RANBP3: variants seen among roughly 807,000 people sequenced by gnomAD.
The protein encoded by RANBP3 is RAN binding protein 3, also known as ran-binding protein 3.
In RANBP3, 14 loss-of-function variants were observed where a neutral mutation model predicts 77.3. The ratio of observed to expected loss-of-function variants is 0.18; its 90% CI spans 0.12 to 0.28. RANBP3 has a LOEUF of 0.28. RANBP3 is among the 10% of genes least tolerant of loss of function. The pLI is 1.00. For synonymous variants in RANBP3, 315 were observed against 312.4 expected, an observed-to-expected ratio of 1.01 and a Z score of -0.09; for missense variants, 586 against 752.3, an observed-to-expected ratio of 0.78 and a Z score of 2.59.
chr19:5,953,220 C>T (rs1568470265), intron 2 of RANBP3, among the ~76,000 whole-genome samples: 1 of 152,192 alleles, frequency 6.6e-6, no homozygotes, highest in Non-Finnish European at 1.5e-5. Flanking sequence ...GGAGAATTAA[C>T]AATGTCATTC....
At chr19:5,971,563 G>T (rs2058530778) in intron 1 of RANBP3, among the ~76,000 whole-genome samples, 1 of 152,172 alleles carries the variant, frequency 6.6e-6, no homozygotes, top group Non-Finnish European at 1.5e-5. Context: ...GTGAATAAGA[G>T]TGAAAAAAGA....
In RANBP3 at chr19:5,941,590, T is replaced by C. The variant is rs1344189416; in HGVS notation, c.406+31A>G. 3 of 1,573,124 alleles carry C rather than the reference T, an allele frequency of 1.9e-6. No homozygotes were observed. The African/African-American group carries it at 4.1e-5, about 21-fold the overall frequency. ...ATGGCGGGTTTGTAAGCATAAACGC[T>C]TTCACCATTCCGTAAGTTTGCATAT... is the stretch of plus-strand genomic sequence containing the variant. On this transcript the variant is annotated intron_variant, in intron 5 of 16. Coordinates refer to ENST00000340578, the MANE Select transcript of RANBP3 (RefSeq NM_007322.3).
intron 1 of RANBP3, among the ~76,000 whole-genome samples, chr19:5,965,020 G>A (rs915449796): frequency 3.9e-5 from 6 of 152,138 alleles, no homozygotes; most frequent in Non-Finnish European, 7.4e-5. Context: ...AAAGATCTCT[G>A]CGATGAAGGT....
At chr19:5,934,479 T>C (rs1021922033) in intron 5 of RANBP3, 1 of 152,198 alleles carries the variant, frequency 6.6e-6, no homozygotes, top group Non-Finnish European at 1.5e-5. Flanking sequence ...AATAATTCCA[T>C]TTACAATAAC....
At chr19:5,948,517 C>T (rs1172335412) in intron 3 of RANBP3, among the ~76,000 whole-genome samples, 6 of 151,750 alleles carry the variant, frequency 4.0e-5, no homozygotes, top group Non-Finnish European at 7.4e-5. Context: ...ACCAGGGCCT[C>T]AGTGAGTCTG....
intron 1 of RANBP3, among the ~76,000 whole-genome samples, chr19:5,977,322 C>A (rs1392873476): frequency 2.6e-5 from 4 of 152,020 alleles, no homozygotes; most frequent in Non-Finnish European, 5.9e-5. Flanking sequence ...GGAAGTGTAA[C>A]CTTGTCAAAA....
In RANBP3 at chr19:5,918,516, C is replaced by T. The variant is rs750943746; in HGVS notation, c.1453G>A (p.Val485Met). ...CTCACCGAGATCAGGAAGACCTTCA[C>T]GCCCTGGTCCTCGGTGTCCATGGCT... The part of the protein sequence containing the change: ...ITAMDTEDQG[V>M]KVFLISASSK... Residue 485 changes from valine to methionine, a missense_variant, in exon 15 of 17, where the codon GTG becomes ATG. Val to Met is a conservative substitution (Grantham distance 21). This residue lies in a region of RANBP3 where 128 missense variants were observed against 157.0 expected (regional missense o/e 0.82). Coordinates refer to ENST00000340578, the MANE Select transcript of RANBP3 (RefSeq NM_007322.3). The T allele has an allele frequency of 3.7e-6, 6 of 1,612,670 alleles. No homozygotes were observed. The highest frequency in any genetic ancestry group is 1.7e-4 in the Middle Eastern group (1 of 5,876).
intron 5 of RANBP3, 26 bp from the exon 6 acceptor site, chr19:5,933,505 C>A: frequency 6.2e-7 from 1 of 1,608,334 alleles, no homozygotes; most frequent in Non-Finnish European, 8.5e-7. Flanking sequence ...AAAATATCAA[C>A]AGCAGGCCTG....
chr19:5,923,257 C>G lies in RANBP3; in HGVS notation c.1146G>C (p.Arg382=), dbSNP rs1489435830. The change falls in exon 13 of 17, where the codon CGG becomes CGC. Residue 382 remains arginine, a synonymous_variant. Coordinates refer to ENST00000340578, the MANE Select transcript of RANBP3 (RefSeq NM_007322.3). The stretch of plus-strand genomic sequence containing the variant: ...CTTCCACTTTTTCCAACAAACACTT[C>G]CGCGCTGTTGCCTTGGTGTAGGCGG... ...SAAAYTKATA[R]KCLLEKVEVI... 4 of 1,614,258 alleles carry G rather than the reference C, an allele frequency of 2.5e-6. No individual in the cohort carries two copies. Among genetic ancestry groups the G allele is most frequent in the East Asian group, 4.5e-5 (2 of 44,886 alleles).
At chr19:5,974,271 A>G (rs2058563152) in intron 1 of RANBP3, 1 of 152,332 alleles carries the variant, frequency 6.6e-6, no homozygotes, top group South Asian at 2.1e-4. Context: ...TCCACCACGC[A>G]TGTCCACAGG....
At chr19:5,963,004 C>T (rs2058423040) in intron 1 of RANBP3, among the ~76,000 whole-genome samples, 1 of 152,212 alleles carries the variant, frequency 6.6e-6, no homozygotes, top group Admixed American at 6.5e-5. Context: ...CAACAACCTG[C>T]TTCAATTCCT....
intron 1 of RANBP3, among the ~76,000 whole-genome samples, chr19:5,961,519 G>T (rs1268821596): frequency 2.0e-5 from 3 of 152,136 alleles, no homozygotes; most frequent in Admixed American, 6.5e-5. Context: ...GATCACCTGA[G>T]GTCGGGAGTT....
At chr19:5,973,658 C>CT (rs774593631) in intron 1 of RANBP3, among the ~76,000 whole-genome samples, 2 of 152,210 alleles carry the variant, frequency 1.3e-5, no homozygotes, top group South Asian at 2.1e-4. Flanking sequence ...AGGGCCAACT[C>CT]TGAGTGGGGC....
At chr19:5,949,848 C>T (rs1188236012) in intron 3 of RANBP3, among the ~76,000 whole-genome samples, 3 of 152,186 alleles carry the variant, frequency 2.0e-5, no homozygotes, top group Admixed American at 1.3e-4. Context: ...GTACGCAGGG[C>T]ACAGAACAGC....
rs1442253218 is a variant in RANBP3, at chr19:5,931,423, T to C, written c.674A>G (p.Asp225Gly). 1 of 1,612,350 alleles carries C rather than the reference T, an allele frequency of 6.2e-7. No homozygotes were observed. The highest frequency in any genetic ancestry group is 1.3e-5 in the African/African-American group (1 of 74,932). ...AAWRSPSEAA[D>G]EVCALEEKEP... is the part of the protein sequence containing the mutation. ...ACTGACCTCAAGTGCACACACCTCA[T>C]CGGCAGCTTCGGAAGGACTTCTCCA... Residue 225 changes from aspartate to glycine, a missense_variant, in exon 8 of 17, where the codon GAT (aspartate) becomes GGT (glycine). Physicochemically the swap from Asp to Gly is moderately conservative, Grantham distance 94. Coordinates refer to ENST00000340578, the MANE Select transcript of RANBP3 (RefSeq NM_007322.3).
intron 5 of RANBP3, among the ~76,000 whole-genome samples, chr19:5,935,391 G>A (rs2058050402): frequency 1.3e-5 from 2 of 152,238 alleles, no homozygotes; most frequent in South Asian, 4.1e-4. Context: ...GCGGGGGTGA[G>A]CCGCCAGATG....
rs555139498 is a variant in RANBP3, at chr19:5,927,375, C to G, written c.813+593G>C. 1.2e-4 allele frequency among the ~76,000 whole-genome samples: 19 copies of G among 152,118 alleles called. No homozygotes were observed. In the East Asian group the frequency reaches 3.7e-3, roughly 29 times the overall value. ...ACAGTGTTGTCACCCCACCCTGCCC[C>G]ACTTAAAAAAAAATAAGGTGACAGT... On this transcript the variant is annotated intron_variant, in intron 9 of 16. Coordinates refer to ENST00000340578, the MANE Select transcript of RANBP3 (RefSeq NM_007322.3).
At chr19:5,919,816 G>A (rs535206409) in intron 14 of RANBP3, among the ~76,000 whole-genome samples, 8 of 151,720 alleles carry the variant, frequency 5.3e-5, no homozygotes, top group African/African-American at 9.7e-5. Flanking sequence ...CAGGAGAATC[G>A]CGTGAACCTG....
At chr19:5,953,842 C>T (rs2058303435) in intron 2 of RANBP3, among the ~76,000 whole-genome samples, 1 of 152,232 alleles carries the variant, frequency 6.6e-6, no homozygotes. Context: ...TGCTGCCAAT[C>T]TGACCATGGC....
Sources: gnomAD v4.1 joint callset for allele counts (sites outside exome capture counted in the v4.1 genomes callset) on GRCh38, gnomAD v4.1.1 for gene constraint, gnomAD v4.1.1 regional missense constraint, MANE v1.5 for transcripts, NCBI Gene and HGNC (gene_info 2026-07-23, HGNC 2026-07-21) for gene names.